Variants in EYA1 observed in about 807,000 individuals in gnomAD.
EYA1 encodes the protein protein phosphatase EYA1.
EYA1 carries 16 observed loss-of-function variants against 82.0 expected under a neutral mutation model. The ratio of observed to expected loss-of-function variants is 0.20; its 90% CI spans 0.13 to 0.30. The LOEUF is 0.30. EYA1 is among the 10% of genes least tolerant of loss of function. The probability of loss-of-function intolerance (pLI) is 1.00; values close to 1 mark genes in which losing one functional copy is unlikely to be tolerated. For missense variants in EYA1, 633 were observed against 730.7 expected, an observed-to-expected ratio of 0.87 and a Z score of 1.54; for synonymous variants, 261 against 264.4, an observed-to-expected ratio of 0.99 and a Z score of 0.12.
intron 2 of EYA1, among the ~76,000 whole-genome samples, chr8:71,519,408 T>C (rs1418187687): frequency 6.6e-6 from 1 of 152,162 alleles, no homozygotes; most frequent in Non-Finnish European, 1.5e-5. Flanking sequence ...ATCAAAGCAA[T>C]TCATGTTCTC....
chr8:71,507,578 T>A lies in EYA1; in HGVS notation c.33+28166A>T, dbSNP rs141807737. Among the ~76,000 whole-genome samples, 123 of 152,362 alleles carry A rather than the reference T, an allele frequency of 8.1e-4. 2 individuals carry two copies. In the East Asian group the frequency reaches 0.015, roughly 19 times the overall value. ...GCAAGATTATATATTTCTGAGGTTATTATTCTTACAGCATTGTCTGCAATA... is the reference window on the plus strand; with the variant it reads ...GCAAGATTATATATTTCTGAGGTTAATATTCTTACAGCATTGTCTGCAATA... On this transcript the variant is annotated intron_variant, in intron 2 of 18. Transcript: ENST00000643681.
chr8:71,269,082 A>G (rs1277105715), intron 11 of EYA1, among the ~76,000 whole-genome samples: 1 of 152,216 alleles, frequency 6.6e-6, no homozygotes. Flanking sequence ...GAAATCATCA[A>G]TATGCCAAAA....
intron 2 of EYA1, among the ~76,000 whole-genome samples, chr8:71,379,511 G>A (rs1196706669): frequency 6.6e-6 from 1 of 152,114 alleles, no homozygotes; most frequent in Non-Finnish European, 1.5e-5. Flanking sequence ...GCATATTTGA[G>A]GGGTTTTGTT....
chr8:71,503,171 C>A (rs1192687888), intron 2 of EYA1, among the ~76,000 whole-genome samples: 1 of 152,088 alleles, frequency 6.6e-6, no homozygotes, highest in African/African-American at 2.4e-5. Flanking sequence ...AAAAACTATT[C>A]AACTGTTTAA....
intron 2 of EYA1, among the ~76,000 whole-genome samples, chr8:71,431,538 T>C (rs1805616539): frequency 6.6e-6 from 1 of 152,164 alleles, no homozygotes; most frequent in Non-Finnish European, 1.5e-5. Flanking sequence ...GTCCCAGGAT[T>C]AGACATGTAT....
intron 2 of EYA1, among the ~76,000 whole-genome samples, chr8:71,503,595 T>A (rs1811977109): frequency 6.6e-6 from 1 of 152,182 alleles, no homozygotes; most frequent in South Asian, 2.1e-4. Context: ...CACACAGTAA[T>A]CTTTTATGAC....
intron 6 of EYA1, among the ~76,000 whole-genome samples, chr8:71,320,009 G>A (rs980499529): frequency 2.6e-5 from 4 of 152,074 alleles, no homozygotes; most frequent in East Asian, 1.9e-4. Context: ...ACTGAGCCTC[G>A]CTCTCTCCCC....
At chr8:71,401,562 G>A (rs1829959653) in intron 2 of EYA1, among the ~76,000 whole-genome samples, 1 of 152,184 alleles carries the variant, frequency 6.6e-6, no homozygotes, top group Non-Finnish European at 1.5e-5. Flanking sequence ...TTGCTATGAA[G>A]CGTTCTTATG....
Position 71,252,351 on chromosome 8 carries a change from G to T in EYA1, c.1051-7659C>A, listed in dbSNP as rs139924538. ...GTATTGTGCCTACTAAAAAGTAAAG[G>T]TATTCCTTTACAACAATGGAAAATG... is the stretch of plus-strand genomic sequence containing the variant. On this transcript the variant is annotated intron_variant, in intron 11 of 17. Transcript: ENST00000340726. Among the ~76,000 whole-genome samples the T allele has an allele frequency of 9.7e-4, 147 of 152,010 alleles. 1 individual carries two copies. The highest frequency in any genetic ancestry group is 2.9e-3 in the African/African-American group (122 of 41,540).
chr8:71,401,620 TTGGACAGTTTAC>T (rs60631247), intron 2 of EYA1, among the ~76,000 whole-genome samples: 23,787 of 152,224 alleles, frequency 0.16, 2,056 homozygotes, highest in African/African-American at 0.22. Context: ...CTATTGTCTC[TTGGACAGTTTAC>T]TCAACCTCTC....
At chr8:71,245,618 G>A (rs1271942239) in intron 11 of EYA1, among the ~76,000 whole-genome samples, 1 of 151,762 alleles carries the variant, frequency 6.6e-6, no homozygotes, top group Non-Finnish European at 1.5e-5. Flanking sequence ...TTCTTCCAGT[G>A]TGGCCCAGGG....
chr8:71,441,692 T>C (rs184491475), intron 2 of EYA1, among the ~76,000 whole-genome samples: 1 of 152,322 alleles, frequency 6.6e-6, no homozygotes, highest in East Asian at 1.9e-4. Context: ...TTCATATCCC[T>C]GTTTTTAAAT....
chr8:71,445,633 T>A (rs1276915795), intron 2 of EYA1, among the ~76,000 whole-genome samples: 4 of 152,194 alleles, frequency 2.6e-5, no homozygotes, highest in Non-Finnish European at 4.4e-5. Context: ...ATTCCAAACT[T>A]TTTTGTTTTG....
chr8:71,513,477 G>GTATA (rs1812746855), intron 2 of EYA1, among the ~76,000 whole-genome samples: 1 of 151,924 alleles, frequency 6.6e-6, no homozygotes, highest in East Asian at 1.9e-4. Flanking sequence ...ATTTTTGTAG[G>GTATA]TATATAGTAG....
At chr8:71,364,082 G>T (rs965267582), upstream of EYA1, among the ~76,000 whole-genome samples, 8 of 151,670 alleles carry the variant, frequency 5.3e-5, no homozygotes, top group African/African-American at 1.9e-4. Flanking sequence ...ATAACCAAAT[G>T]AAATATTAAA....
At chr8:71,204,175 G>C (rs1343679683) in intron 17 of EYA1, 1 of 152,170 alleles carries the variant, frequency 6.6e-6, no homozygotes, top group Non-Finnish European at 1.5e-5. Context: ...TGTGTCTCCA[G>C]AACCAAAATT....
At chr8:71,398,561 C>T (rs1398347559) in intron 2 of EYA1, among the ~76,000 whole-genome samples, 1 of 152,210 alleles carries the variant, frequency 6.6e-6, no homozygotes, top group East Asian at 1.9e-4. Context: ...TGGAGGTCCA[C>T]TCCAGACCCT....
At chr8:71,335,769 C>G (rs908386340) in intron 3 of EYA1, among the ~76,000 whole-genome samples, 10 of 152,014 alleles carry the variant, frequency 6.6e-5, no homozygotes, top group Non-Finnish European at 1.3e-4. Flanking sequence ...TCTTACTTAG[C>G]TGTCCACATC....
At chr8:71,542,923 GT>G (rs1463854302) in intron 1 of EYA1, among the ~76,000 whole-genome samples, 1 of 151,906 alleles carries the variant, frequency 6.6e-6, no homozygotes, top group Non-Finnish European at 1.5e-5. Flanking sequence ...TTGTAAATTT[GT>G]TTAAGTTCCT....
Sources: gnomAD v4.1 joint callset for allele counts (sites outside exome capture counted in the v4.1 genomes callset) on GRCh38, gnomAD v4.1.1 for gene constraint, MANE v1.5 for transcripts, NCBI Gene and HGNC (gene_info 2026-07-23, HGNC 2026-07-21) for gene names.